Variants in LYPLAL1 observed in about 807,000 individuals in gnomAD.
The protein encoded by LYPLAL1 is lysophospholipase-like protein 1.
LYPLAL1 carries 23 observed loss-of-function variants against 19.7 expected under a neutral mutation model. The observed-to-expected ratio is 1.17, with a 90% CI of 0.84 to 1.65. The LOEUF (loss-of-function observed/expected upper bound fraction) is 1.65, where lower values mean the gene tolerates loss of function less well. Ranked by LOEUF, LYPLAL1 falls within the 40% of genes most tolerant of loss-of-function variation. The pLI, the probability that LYPLAL1 is intolerant of heterozygous loss-of-function variation, is 0.00. For missense variants in LYPLAL1, 355 were observed against 279.4 expected, an observed-to-expected ratio of 1.27 and a Z score of -1.93; for synonymous variants, 119 against 96.3, an observed-to-expected ratio of 1.24 and a Z score of -1.38.
chr1:219,186,503 T>A (rs1656732746), intron 2 of LYPLAL1, among the ~76,000 whole-genome samples: 1 of 150,500 alleles, frequency 6.6e-6, no homozygotes, highest in African/African-American at 2.4e-5. Context: ...GGCTATATTA[T>A]TAGGTGCATA....
At chr1:219,403,298 A>T in the LYPLAL1 span, among the ~76,000 whole-genome samples, 1 of 152,226 alleles carries the variant, frequency 6.6e-6, no homozygotes, top group South Asian at 2.1e-4. Flanking sequence ...ACAGTCACTC[A>T]CAACATAGGG....
chr1:219,299,917 C>T, the LYPLAL1 span, among the ~76,000 whole-genome samples: 1 of 152,078 alleles, frequency 6.6e-6, no homozygotes, highest in Non-Finnish European at 1.5e-5. Context: ...CTCAGATAAC[C>T]AGTCGGAAGC....
At chr1:219,257,247 A>G in the LYPLAL1 span, among the ~76,000 whole-genome samples, 1 of 151,982 alleles carries the variant, frequency 6.6e-6, no homozygotes, top group Admixed American at 6.6e-5. Flanking sequence ...ATATATGTCT[A>G]GAATTATTGT....
the LYPLAL1 span, among the ~76,000 whole-genome samples, chr1:219,294,120 A>G: frequency 6.6e-6 from 1 of 152,234 alleles, no homozygotes; most frequent in Non-Finnish European, 1.5e-5. Context: ...TTCACGGAAG[A>G]GGAGAATTGT....
the LYPLAL1 span, among the ~76,000 whole-genome samples, chr1:219,253,640 C>T: frequency 3.3e-5 from 5 of 151,696 alleles, no homozygotes; most frequent in Admixed American, 2.0e-4. Flanking sequence ...TGGTCCAAGA[C>T]TGTGTTTAGT....
chr1:219,423,652 A>G, the LYPLAL1 span, among the ~76,000 whole-genome samples: 1 of 152,146 alleles, frequency 6.6e-6, no homozygotes, highest in Non-Finnish European at 1.5e-5. Flanking sequence ...ATACAATTAT[A>G]TGGAGTTTAT....
the LYPLAL1 span, among the ~76,000 whole-genome samples, chr1:219,401,233 T>C: frequency 6.6e-6 from 1 of 151,920 alleles, no homozygotes; most frequent in Non-Finnish European, 1.5e-5. Flanking sequence ...TGTTTATTTA[T>C]TTGGCAAAAC....
chr1:219,405,655 T>C, the LYPLAL1 span, among the ~76,000 whole-genome samples: 29 of 152,316 alleles, frequency 1.9e-4, no homozygotes, highest in Middle Eastern at 3.4e-3. Context: ...ACCCAATAAA[T>C]GTTTGCAAGG....
the LYPLAL1 span, among the ~76,000 whole-genome samples, chr1:219,400,183 G>C: frequency 6.6e-6 from 1 of 151,900 alleles, no homozygotes; most frequent in Admixed American, 6.6e-5. Flanking sequence ...TCTTCCCTCT[G>C]ACCACTCTCA....
chr1:219,396,898 G>A, the LYPLAL1 span, among the ~76,000 whole-genome samples: 2 of 152,140 alleles, frequency 1.3e-5, no homozygotes, highest in Admixed American at 6.6e-5. Context: ...CTACTTGGAT[G>A]CCTTTATTTC....
At chr1:219,246,947 A>C in the LYPLAL1 span, among the ~76,000 whole-genome samples, 1 of 152,174 alleles carries the variant, frequency 6.6e-6, no homozygotes, top group Non-Finnish European at 1.5e-5. Context: ...CTTAAATTGA[A>C]AAACACCTAA....
chr1:219,252,721 CA>C, the LYPLAL1 span, among the ~76,000 whole-genome samples: 2 of 152,034 alleles, frequency 1.3e-5, no homozygotes, highest in East Asian at 3.9e-4. Flanking sequence ...CATTGTTCAT[CA>C]AGGATATTAG....
chr1:219,341,863 A>T, the LYPLAL1 span, among the ~76,000 whole-genome samples: 1 of 152,130 alleles, frequency 6.6e-6, no homozygotes, highest in African/African-American at 2.4e-5. Context: ...TGAAATCTGA[A>T]CCATGACAGT....
chr1:219,194,703 C>T (rs370815515), intron 3 of LYPLAL1, among the ~76,000 whole-genome samples: 26 of 151,984 alleles, frequency 1.7e-4, no homozygotes, highest in African/African-American at 5.8e-4. Flanking sequence ...TAACATTACC[C>T]AATCAATAAA....
At chr1:219,308,479 A>G in the LYPLAL1 span, among the ~76,000 whole-genome samples, 1 of 152,192 alleles carries the variant, frequency 6.6e-6, no homozygotes, top group Non-Finnish European at 1.5e-5. Flanking sequence ...AGCCTCTCCC[A>G]TCACAGACCC....
At chr1:219,274,448 C>A in the LYPLAL1 span, among the ~76,000 whole-genome samples, 1 of 152,080 alleles carries the variant, frequency 6.6e-6, no homozygotes, top group South Asian at 2.1e-4. Context: ...TGCAGTGGTA[C>A]AATATCAGCT....
the LYPLAL1 span, among the ~76,000 whole-genome samples, chr1:219,392,780 T>A: frequency 2.0e-5 from 3 of 152,146 alleles, no homozygotes; most frequent in African/African-American, 7.2e-5. Flanking sequence ...GAGCTAAAAT[T>A]GAGCCCACAG....
At chr1:219,432,938 C>T in the LYPLAL1 span, among the ~76,000 whole-genome samples, 1 of 152,126 alleles carries the variant, frequency 6.6e-6, no homozygotes, top group African/African-American at 2.4e-5. Context: ...TGGCAAGGAA[C>T]AGCAGACACC....
chr1:219,440,017 A>G, the LYPLAL1 span, among the ~76,000 whole-genome samples: 1 of 107,756 alleles, frequency 9.3e-6, no homozygotes, highest in Non-Finnish European at 2.0e-5. Context: ...ATATATACAC[A>G]CACACACATA....
Sources: allele counts gnomAD v4.1 joint callset (sites outside exome capture counted in the v4.1 genomes callset), GRCh38; gene constraint gnomAD v4.1.1; transcripts MANE v1.5; gene names NCBI Gene and HGNC (gene_info 2026-07-23, HGNC 2026-07-21).